The following BLK variants were observed in gnomAD, a reference collection of about 807,000 sequenced individuals.
BLK encodes BLK proto-oncogene, Src family tyrosine kinase.
BLK carries 64 observed loss-of-function variants against 61.8 expected under a neutral mutation model. That is an observed-to-expected ratio of 1.03 (90% CI 0.85 to 1.27). The LOEUF (loss-of-function observed/expected upper bound fraction) is 1.27. Ranked by LOEUF, BLK falls within the 50% of genes most tolerant of loss-of-function variation. The pLI, the probability that BLK is intolerant of heterozygous loss-of-function variation, is 0.00. For synonymous variants in BLK, 351 were observed against 272.0 expected (o/e 1.29, Z -2.86); for missense variants, 853 against 660.5 (o/e 1.29, Z -3.19).
At chr8:11,507,407 C>T (rs1202415424) in intron 1 of BLK, among the ~76,000 whole-genome samples, 2 of 152,216 alleles carry the variant, frequency 1.3e-5, no homozygotes, top group Non-Finnish European at 2.9e-5. Flanking sequence ...AATGGATCCT[C>T]CCAGGGGACG....
chr8:11,545,939 C>T lies in BLK; in HGVS notation c.124-113C>T, dbSNP rs1800613803. On this transcript the variant is annotated intron_variant, in intron 2 of 12. Coordinates refer to ENST00000259089, the MANE Select transcript of BLK (RefSeq NM_001715.3). Reference sequence around the variant, plus strand: ...GCCCCCACAGGCAGCTGCCTCTCCTCCTTCAGTAGGTCCCTGGAGATACCC... The same window carrying T: ...GCCCCCACAGGCAGCTGCCTCTCCTTCTTCAGTAGGTCCCTGGAGATACCC... 4 of 1,129,086 alleles carry T rather than the reference C, an allele frequency of 3.5e-6. No homozygotes were observed. In the South Asian group the frequency reaches 4.9e-5, roughly 14 times the overall value. 69.9% of individuals were successfully genotyped at this position (1,129,086 alleles called of 1,614,324 possible).
At chr8:11,553,057 C>T (rs1800991480) in intron 6 of BLK, 1 of 171,604 alleles carries the variant, frequency 5.8e-6, no homozygotes, top group South Asian at 1.5e-4. Flanking sequence ...CACATATGCA[C>T]AGATGCAATG....
chr8:11,511,423 C>T (rs1799004000), intron 1 of BLK, among the ~76,000 whole-genome samples: 1 of 119,686 alleles, frequency 8.4e-6, no homozygotes, highest in African/African-American at 3.2e-5. Context: ...TGCACATGTA[C>T]CCTAAAACTT....
intron 1 of BLK, among the ~76,000 whole-genome samples, chr8:11,530,408 T>G (rs2264304): frequency 0.98 from 149,750 of 152,350 alleles, 73,618 homozygotes; most frequent in East Asian, 1. Context: ...GCTTTCATCA[T>G]CTCTGTAGGT....
At position 11,558,040 on chromosome 8, in the gene BLK, T is replaced by C; in HGVS notation, c.1029+2T>C. The C allele has an allele frequency of 6.2e-7, 1 of 1,613,984 alleles. No homozygotes were observed. The highest frequency in any genetic ancestry group is 8.5e-7 in the Non-Finnish European group (1 of 1,179,888). ...AGGCTGATTGACATGTCGGCGCAGGTTGGTGAAGTACCAGGTGCAGAGAAA... is the reference window on the plus strand; with the variant it reads ...AGGCTGATTGACATGTCGGCGCAGGCTGGTGAAGTACCAGGTGCAGAGAAA... On this transcript the variant is annotated splice_donor_variant, in intron 10 of 12. Transcript: ENST00000259089. LOFTEE classifies it high-confidence loss of function.
At chr8:11,557,843 C>T in intron 9 of BLK, 119 bp from the exon 10 acceptor site, 2 of 805,150 alleles carry the variant, frequency 2.5e-6, no homozygotes, top group Admixed American at 3.8e-5. Flanking sequence ...ACCGAGAGAT[C>T]TGAGGGTGCA....
At chr8:11,543,136 C>A in intron 1 of BLK, 88 bp from the exon 2 acceptor site, 1 of 1,602,512 alleles carries the variant, frequency 6.2e-7, no homozygotes. Flanking sequence ...TCTAACCAGC[C>A]TCCCGGAAGG....
In BLK at chr8:11,563,988, C is replaced by G; in HGVS notation, c.1398C>G (p.Arg466=). 1 of 1,606,026 alleles carries G rather than the reference C, an allele frequency of 6.2e-7. No individual in the cohort carries two copies. Among genetic ancestry groups the G allele is most frequent in the Non-Finnish European group, 8.5e-7 (1 of 1,179,294 alleles). Residue 466 remains arginine, a synonymous_variant, in exon 13 of 13, where the codon CGC becomes CGG. Transcript: ENST00000259089. The stretch of plus-strand genomic sequence containing the variant: ...ACACCTGCCCGCCCGAGCTGTACCG[C>G]GGCGTCATCGCCGAGTGCTGGCGCA... ...RPDTCPPELY[R]GVIAECWRSR...
At chr8:11,540,796 A>T (rs1340779185) in intron 1 of BLK, among the ~76,000 whole-genome samples, 2 of 151,868 alleles carry the variant, frequency 1.3e-5, no homozygotes, top group Non-Finnish European at 2.9e-5. Context: ...TTCACAACTG[A>T]GTTCTATTTA....
intron 1 of BLK, among the ~76,000 whole-genome samples, chr8:11,533,118 A>T (rs58373594): frequency 0.14 from 21,190 of 152,130 alleles, 1,691 homozygotes; most frequent in East Asian, 0.26. Context: ...TGTGATAGGC[A>T]AATCCTGCAA....
In BLK at chr8:11,556,649, C is replaced by A. The variant is rs772158649; in HGVS notation, c.773-9C>A. 1 of 1,614,080 alleles carries A rather than the reference C, an allele frequency of 6.2e-7. No homozygotes were observed. Among genetic ancestry groups the A allele is most frequent in the South Asian group, 1.1e-5 (1 of 91,068 alleles). ...CTTCTGATTGGCTTCTTCACTCCCC[C>A]GGGCTCAGGTTACTACAAAAACAAC... On this transcript the variant is annotated splice_polypyrimidine_tract_variant and intron_variant, in intron 8 of 12. Coordinates refer to ENST00000259089, the MANE Select transcript of BLK (RefSeq NM_001715.3).
intron 1 of BLK, among the ~76,000 whole-genome samples, chr8:11,524,747 A>T (rs1186352790): frequency 6.6e-6 from 1 of 152,182 alleles, no homozygotes; most frequent in Non-Finnish European, 1.5e-5. Flanking sequence ...GCGGCAGAAG[A>T]AGTGGGGAAA....
intron 1 of BLK, among the ~76,000 whole-genome samples, chr8:11,515,939 G>A (rs1799207494): frequency 6.6e-6 from 1 of 152,228 alleles, no homozygotes; most frequent in South Asian, 2.1e-4. Context: ...AAGGCTTTGG[G>A]AGGCTTTTGT....
intron 1 of BLK, among the ~76,000 whole-genome samples, chr8:11,519,204 C>T (rs552343431): frequency 6.6e-6 from 1 of 152,162 alleles, no homozygotes; most frequent in Admixed American, 6.5e-5. Flanking sequence ...TAATGGATTC[C>T]TCAAAGGAAG....
At position 11,563,054 on chromosome 8, in the gene BLK, G is replaced by C. The variant is rs1444359819; in HGVS notation, c.1256G>C (p.Trp419Ser). The C allele has an allele frequency of 1.2e-6, 2 of 1,614,164 alleles. No homozygotes were observed. Among genetic ancestry groups the C allele is most frequent in the South Asian group, 2.2e-5 (2 of 91,086 alleles). The change falls in exon 12 of 13, where the codon TGG (tryptophan) becomes TCG (serine). Residue 419 changes from tryptophan (W) to serine (S), a missense_variant. Trp to Ser is a radical substitution (Grantham distance 177). Transcript: ENST00000259089. The stretch of plus-strand genomic sequence containing the variant: ...GTCTTCACCATCAAAGCAGACGTGT[G>C]GTCGTTTGGAGTCCTCCTGATGGAA... ...FGVFTIKADV[W>S]SFGVLLMEVV...
At chr8:11,528,511 C>G (rs779592890) in intron 1 of BLK, among the ~76,000 whole-genome samples, 2 of 152,130 alleles carry the variant, frequency 1.3e-5, no homozygotes, top group South Asian at 2.1e-4. Flanking sequence ...CTCACACACA[C>G]TTGGGCTTCA....
Position 11,494,602 on chromosome 8 carries a change from G to GCGTCTTCCGGGTTCTTTAT in BLK, c.-2+20_-2+38dup, listed in dbSNP as rs1461754062. 6.6e-6 allele frequency: 1 copy of GCGTCTTCCGGGTTCTTTAT among 152,300 alleles called. No individual in the cohort carries two copies. Among genetic ancestry groups the GCGTCTTCCGGGTTCTTTAT allele is most frequent in the African/African-American group, 2.4e-5 (1 of 41,468 alleles). The allele number at this position is 152,300 out of a possible 1,614,324, so 9.4% of individuals were successfully genotyped here. On this transcript the variant is annotated intron_variant, in intron 1 of 12. Coordinates refer to ENST00000259089, the MANE Select transcript of BLK (RefSeq NM_001715.3). Reference sequence around the variant, plus strand: ...TGAAGCATTGCCAAGGTGAGGCCCTGCGTCTTCCGGGTTCTTTATCGTCTT... The same window carrying GCGTCTTCCGGGTTCTTTAT: ...TGAAGCATTGCCAAGGTGAGGCCCTGCGTCTTCCGGGTTCTTTATCGTCTTCCGGGTTCTTTATCGTCTT...
chr8:11,545,157 C>T (rs142845476), intron 2 of BLK, among the ~76,000 whole-genome samples: 7 of 152,302 alleles, frequency 4.6e-5, no homozygotes, highest in South Asian at 4.1e-4. Flanking sequence ...AACATATCGA[C>T]GTTGATGCAC....
chr8:11,504,706 C>G (rs1189257322), intron 1 of BLK, among the ~76,000 whole-genome samples: 1 of 152,230 alleles, frequency 6.6e-6, no homozygotes, highest in Non-Finnish European at 1.5e-5. Flanking sequence ...TGAGGACGGT[C>G]TAAGCGACTG....
Sources: allele counts gnomAD v4.1 joint callset (sites outside exome capture counted in the v4.1 genomes callset), GRCh38; gene constraint gnomAD v4.1.1; transcripts MANE v1.5; gene names NCBI Gene and HGNC (gene_info 2026-07-23, HGNC 2026-07-21).